BRD10: variants seen among roughly 807,000 people sequenced by gnomAD.
The protein encoded by BRD10 is uncharacterized bromodomain-containing protein 10.
the BRD10 span, among the ~76,000 whole-genome samples, chr9:6,001,731 C>G: frequency 6.6e-6 from 1 of 152,198 alleles, no homozygotes; most frequent in Non-Finnish European, 1.5e-5. Context: ...ACTACAATCT[C>G]TTGAATAAAA....
At chr9:5,985,043 G>C in the BRD10 span, among the ~76,000 whole-genome samples, 2 of 151,602 alleles carry the variant, frequency 1.3e-5, no homozygotes, top group South Asian at 4.1e-4. Flanking sequence ...TCAATATAGT[G>C]CTAACATAAA....
chr9:5,925,327 C>A, the BRD10 span, among the ~76,000 whole-genome samples: 2 of 147,812 alleles, frequency 1.4e-5, no homozygotes, highest in Non-Finnish European at 3.0e-5. Context: ...CCACTGCAGT[C>A]CAGCCTGGGC....
the BRD10 span, among the ~76,000 whole-genome samples, chr9:5,926,532 T>C: frequency 2.0e-5 from 3 of 152,034 alleles, no homozygotes; most frequent in African/African-American, 7.2e-5. Context: ...TTAAATTTTT[T>C]ATTTATTTAT....
the BRD10 span, among the ~76,000 whole-genome samples, chr9:5,888,327 T>C: frequency 1.3e-5 from 2 of 152,352 alleles, no homozygotes; most frequent in Middle Eastern, 6.8e-3. Context: ...CTGTGATTTT[T>C]GCACTGTCGG....
chr9:5,965,508 T>A, the BRD10 span, among the ~76,000 whole-genome samples: 6 of 152,324 alleles, frequency 3.9e-5, no homozygotes, highest in East Asian at 1.2e-3. Context: ...TAGTCTTTGT[T>A]TTATTTAGTC....
At chr9:5,913,425 T>C in the BRD10 span, among the ~76,000 whole-genome samples, 2 of 152,146 alleles carry the variant, frequency 1.3e-5, no homozygotes, top group African/African-American at 4.8e-5. Context: ...ATCTTTAAAG[T>C]GTCTCAAAAG....
At chr9:5,883,225 G>A in the BRD10 span, among the ~76,000 whole-genome samples, 1 of 151,984 alleles carries the variant, frequency 6.6e-6, no homozygotes, top group African/African-American at 2.4e-5. Flanking sequence ...ATAGTTTGCT[G>A]TGGCACATTA....
chr9:5,969,835 T>C, the BRD10 span, among the ~76,000 whole-genome samples: 1 of 152,200 alleles, frequency 6.6e-6, no homozygotes, highest in African/African-American at 2.4e-5. Context: ...CATGAGCTAC[T>C]GTGCCCAGCC....
the BRD10 span, among the ~76,000 whole-genome samples, chr9:5,923,646 A>G: frequency 3.6e-4 from 55 of 152,328 alleles, no homozygotes; most frequent in African/African-American, 1.3e-3. Flanking sequence ...AGGGCTCAGA[A>G]TTTAATTTGC....
chr9:5,921,616 T>C, the BRD10 span: 1 of 1,614,024 alleles, frequency 6.2e-7, no homozygotes, highest in South Asian at 1.1e-5. Context: ...CATCTCCATT[T>C]GTTGCTGCTG....
chr9:5,906,970 C>T, the BRD10 span: 13 of 1,600,100 alleles, frequency 8.1e-6, no homozygotes, highest in South Asian at 7.9e-5. Context: ...AGCAAAGTGT[C>T]TCTTCAAGAG....
At chr9:5,892,332 A>G in the BRD10 span, 2 of 565,626 alleles carry the variant, frequency 3.5e-6, no homozygotes, top group Non-Finnish European at 2.9e-6. Flanking sequence ...GAGAGAAACC[A>G]AAGGGTCCTG....
At chr9:5,890,131 A>G in the BRD10 span, among the ~76,000 whole-genome samples, 33 of 152,290 alleles carry the variant, frequency 2.2e-4, no homozygotes, top group African/African-American at 7.9e-4. Flanking sequence ...TAGGGAACCC[A>G]GTTTAGTTTG....
the BRD10 span, among the ~76,000 whole-genome samples, chr9:5,972,204 G>A: frequency 6.6e-6 from 1 of 152,058 alleles, no homozygotes; most frequent in Non-Finnish European, 1.5e-5. Context: ...GGAGGGATAG[G>A]AAGAAAGAAT....
chr9:5,904,088 G>A, the BRD10 span, among the ~76,000 whole-genome samples: 2 of 152,026 alleles, frequency 1.3e-5, no homozygotes, highest in African/African-American at 4.8e-5. Context: ...GAACTCCTGA[G>A]CTCAGGCAAT....
At chr9:5,947,834 A>G in the BRD10 span, among the ~76,000 whole-genome samples, 1 of 152,194 alleles carries the variant, frequency 6.6e-6, no homozygotes, top group Non-Finnish European at 1.5e-5. Context: ...CAACTTAAAA[A>G]AGGAGAACAA....
At chr9:5,968,127 T>C in the BRD10 span, 1 of 1,578,366 alleles carries the variant, frequency 6.3e-7, no homozygotes, top group Non-Finnish European at 8.6e-7. Context: ...TCACGCTTTC[T>C]CTGTAAGTTT....
At chr9:5,944,537 A>T in the BRD10 span, among the ~76,000 whole-genome samples, 1 of 152,100 alleles carries the variant, frequency 6.6e-6, no homozygotes, top group Admixed American at 6.6e-5. Context: ...AACTTCCATT[A>T]AAAGCATATA....
chr9:5,926,568 G>T, the BRD10 span, among the ~76,000 whole-genome samples: 4 of 152,196 alleles, frequency 2.6e-5, 1 homozygote, highest in South Asian at 6.2e-4. Flanking sequence ...GTCTCACTCT[G>T]TTGCCCAGGC....
Sources: gnomAD v4.1 joint callset for allele counts (sites outside exome capture counted in the v4.1 genomes callset) on GRCh38, gnomAD v4.1.1 for gene constraint, MANE v1.5 for transcripts, NCBI Gene and HGNC (gene_info 2026-07-23, HGNC 2026-07-21) for gene names.